Variants in SLC14A2 observed in about 807,000 individuals in gnomAD.
The protein encoded by SLC14A2 is urea transporter 2.
SLC14A2 carries 91 observed loss-of-function variants against 104.6 expected under a neutral mutation model. That is an observed-to-expected ratio of 0.87 (90% CI 0.73 to 1.04). The LOEUF is 1.04. SLC14A2 is among the 50% of genes least tolerant of loss of function. The pLI is 0.00. For synonymous variants in SLC14A2, 476 were observed against 466.4 expected (o/e 1.02, Z -0.27); for missense variants, 1,189 against 1,156.0 (o/e 1.03, Z -0.41).
At chr18:45,418,645 G>A (rs1457807244) in intron 1 of SLC14A2, among the ~76,000 whole-genome samples, 1 of 152,186 alleles carries the variant, frequency 6.6e-6, no homozygotes, top group Non-Finnish European at 1.5e-5. Context: ...TAATATGCCT[G>A]GGCATTTATT....
At chr18:45,410,159 C>G (rs887993330) in intron 1 of SLC14A2, among the ~76,000 whole-genome samples, 1 of 152,140 alleles carries the variant, frequency 6.6e-6, no homozygotes, top group Non-Finnish European at 1.5e-5. Flanking sequence ...GGAGGCGGAG[C>G]TCAGGTGGTA....
intron 11 of SLC14A2, 63 bp from the exon 12 acceptor site, chr18:45,666,074 T>C: frequency 8.9e-7 from 1 of 1,123,490 alleles, no homozygotes. Flanking sequence ...TGCAGGACAT[T>C]AGCTTCTGAG....
intron 1 of SLC14A2, among the ~76,000 whole-genome samples, chr18:45,375,682 A>C (rs777491611): frequency 2.0e-5 from 3 of 152,230 alleles, no homozygotes; most frequent in Non-Finnish European, 4.4e-5. Flanking sequence ...AGCAGCCGGC[A>C]AGGTGAACCC....
Position 45,405,803 on chromosome 18 carries a change from G to A in SLC14A2, c.-124-77430G>A, listed in dbSNP as rs538578301. The stretch of plus-strand genomic sequence containing the variant: ...AATCCCAGCTACTGGGGAGGCTGAG[G>A]CAGGAGAATTGCTTGAACCCAGAAG... On this transcript the variant is annotated intron_variant, in intron 1 of 20. Coordinates refer to the SLC14A2 transcript ENST00000586448. 2.6e-5 allele frequency among the ~76,000 whole-genome samples: 4 copies of A among 151,518 alleles called. No homozygotes were observed. The East Asian group carries it at 7.8e-4, about 30-fold the overall frequency.
At chr18:45,196,824 T>C in the SLC14A2 span, among the ~76,000 whole-genome samples, 3 of 152,246 alleles carry the variant, frequency 2.0e-5, no homozygotes, top group Admixed American at 2.0e-4. Context: ...CAAAGGGCTT[T>C]TCCATTTACT....
intron 7 of SLC14A2, 124 bp downstream of exon 7, chr18:45,640,017 G>C (rs1050375750): frequency 5.4e-6 from 5 of 931,392 alleles, no homozygotes; most frequent in Non-Finnish European, 7.9e-6. Flanking sequence ...CAGGGAGACA[G>C]GCACGGTGAC....
intron 2 of SLC14A2, among the ~76,000 whole-genome samples, chr18:45,563,714 C>T (rs1449917217): frequency 1.3e-5 from 2 of 152,166 alleles, no homozygotes; most frequent in South Asian, 2.1e-4. Flanking sequence ...CTTTAAATGA[C>T]TATAATTTTT....
chr18:45,233,599 C>T (rs938895132), intron 1 of SLC14A2, among the ~76,000 whole-genome samples: 1 of 152,104 alleles, frequency 6.6e-6, no homozygotes, highest in Admixed American at 6.5e-5. Context: ...AGTTAAGTTG[C>T]GATTGGACAA....
At chr18:45,676,562 T>C (rs569595716) in intron 18 of SLC14A2, among the ~76,000 whole-genome samples, 24 of 151,916 alleles carry the variant, frequency 1.6e-4, no homozygotes, top group Non-Finnish European at 3.2e-4. Context: ...CATTTGGCAA[T>C]GTCTGATGAC....
At chr18:45,318,719 G>A (rs1260124406) in intron 1 of SLC14A2, among the ~76,000 whole-genome samples, 1 of 151,778 alleles carries the variant, frequency 6.6e-6, no homozygotes, top group East Asian at 1.9e-4. Flanking sequence ...CCCAGGAGGT[G>A]GAAGTTGCAA....
rs200939686 is a variant in SLC14A2 at position 45,637,166 on chromosome 18, A to T, written c.827A>T (p.Glu276Val). 3.7e-6 allele frequency: 6 copies of T among 1,613,852 alleles called. No homozygotes were observed. The highest frequency in any genetic ancestry group is 2.7e-5 in the African/African-American group (2 of 74,926). The change falls in exon 6 of 20, where the codon GAG becomes GTG. Residue 276 changes from glutamate to valine, a missense_variant. Glu to Val is a moderately radical substitution (Grantham distance 121). Transcript: ENST00000255226. ...TCAGTGCCCAATATCACCTGGACAG[A>T]GATGGAAATGCCCCTGGTAAGTTAC... Reference protein sequence around the residue: ...VSSVPNITWTEMEMPLLLQAI... With the variant: ...VSSVPNITWTVMEMPLLLQAI...
At chr18:45,278,796 C>T (rs532568380) in intron 1 of SLC14A2, among the ~76,000 whole-genome samples, 1 of 152,150 alleles carries the variant, frequency 6.6e-6, no homozygotes, top group East Asian at 1.9e-4. Flanking sequence ...CCGTGTTGTT[C>T]AAGGGTAAGC....
At chr18:45,323,601 G>A (rs984653017) in intron 1 of SLC14A2, among the ~76,000 whole-genome samples, 5 of 152,088 alleles carry the variant, frequency 3.3e-5, no homozygotes, top group African/African-American at 7.2e-5. Context: ...TAAAATTGCC[G>A]TTTTTGTAGT....
At chr18:45,503,133 T>C (rs1467784065) in intron 2 of SLC14A2, among the ~76,000 whole-genome samples, 1 of 152,134 alleles carries the variant, frequency 6.6e-6, no homozygotes, top group East Asian at 1.9e-4. Context: ...TTAATGTTGA[T>C]TGTGGCAAGC....
intron 1 of SLC14A2, among the ~76,000 whole-genome samples, chr18:45,252,123 G>A (rs1286252939): frequency 1.3e-5 from 2 of 152,150 alleles, no homozygotes; most frequent in Admixed American, 6.5e-5. Flanking sequence ...CCTACCAAGG[G>A]TGTGCTGAGT....
the SLC14A2 span, among the ~76,000 whole-genome samples, chr18:45,188,013 A>G: frequency 1.3e-5 from 2 of 152,106 alleles, no homozygotes; most frequent in African/African-American, 2.4e-5. Context: ...TGTCAGTGCT[A>G]ATAGAGGGTG....
intron 1 of SLC14A2, among the ~76,000 whole-genome samples, chr18:45,378,309 C>T (rs1156526432): frequency 6.6e-6 from 1 of 152,120 alleles, no homozygotes; most frequent in Non-Finnish European, 1.5e-5. Context: ...AAGACAGCTC[C>T]TTTTATTGAG....
intron 1 of SLC14A2, among the ~76,000 whole-genome samples, chr18:45,317,358 C>T (rs2085140077): frequency 6.6e-6 from 1 of 152,302 alleles, no homozygotes; most frequent in East Asian, 1.9e-4. Flanking sequence ...TCTCAAAGAG[C>T]TTAAGGGAGA....
intron 1 of SLC14A2, among the ~76,000 whole-genome samples, chr18:45,452,912 T>G (rs573525528): frequency 6.6e-6 from 1 of 152,326 alleles, no homozygotes; most frequent in South Asian, 2.1e-4. Flanking sequence ...GGGCAATATC[T>G]TTCTCCTTTG....
Sources: allele counts gnomAD v4.1 joint callset (sites outside exome capture counted in the v4.1 genomes callset), GRCh38; gene constraint gnomAD v4.1.1; transcripts MANE v1.5; gene names NCBI Gene and HGNC (gene_info 2026-07-23, HGNC 2026-07-21).